NRG3: variants seen among roughly 807,000 people sequenced by gnomAD.
NRG3 encodes the protein pro-neuregulin-3, membrane-bound isoform.
Under a neutral mutation model 66.9 loss-of-function variants are expected in NRG3, and 31 were observed. The observed-to-expected ratio is 0.46, with a 90% CI of 0.35 to 0.63. The LOEUF (loss-of-function observed/expected upper bound fraction) is 0.63, where lower values mean the gene tolerates loss of function less well. Among genes scored for constraint, NRG3 ranks in the 20% least tolerant of loss-of-function variants. NRG3 has a pLI of 0.00. For missense variants in NRG3, 910 were observed against 878.9 expected (o/e 1.04, Z -0.45); for synonymous variants, 393 against 359.4 (o/e 1.09, Z -1.06).
At chr10:82,115,736 C>T (rs1419699967) in intron 1 of NRG3, among the ~76,000 whole-genome samples, 1 of 152,056 alleles carries the variant, frequency 6.6e-6, no homozygotes, top group African/African-American at 2.4e-5. Flanking sequence ...GGGGTTTGGT[C>T]CTGTTATAGA....
intron 3 of NRG3, among the ~76,000 whole-genome samples, chr10:82,805,333 T>G (rs2135463580): frequency 6.6e-6 from 1 of 152,296 alleles, no homozygotes; most frequent in African/African-American, 2.4e-5. Context: ...TGTGTCTCAT[T>G]TTTTCAGCAT....
chr10:82,444,245 G>T (rs944589227), intron 2 of NRG3, among the ~76,000 whole-genome samples: 2 of 152,142 alleles, frequency 1.3e-5, no homozygotes, highest in African/African-American at 4.8e-5. Flanking sequence ...AGGGATTACA[G>T]GTTCGTGCCA....
At chr10:82,327,078 C>T (rs111936614) in intron 1 of NRG3, among the ~76,000 whole-genome samples, 156 of 151,998 alleles carry the variant, frequency 1.0e-3, no homozygotes, top group Non-Finnish European at 1.8e-3. Context: ...GAAGAATGAC[C>T]CTGGGCTGAG....
intron 1 of NRG3, among the ~76,000 whole-genome samples, chr10:81,982,702 C>T (rs916888147): frequency 1.3e-5 from 2 of 152,076 alleles, no homozygotes; most frequent in African/African-American, 4.8e-5. Flanking sequence ...TTTTTGTCTA[C>T]AAAATTTCTT....
chr10:82,225,481 C>T (rs2076126282), intron 1 of NRG3: 4 of 152,002 alleles, frequency 2.6e-5, no homozygotes, highest in African/African-American at 9.7e-5. Context: ...AGGAAATATA[C>T]CAAGCCAGGG....
intron 3 of NRG3, among the ~76,000 whole-genome samples, chr10:82,817,951 C>T (rs961963576): frequency 6.6e-6 from 1 of 152,232 alleles, no homozygotes; most frequent in Admixed American, 6.5e-5. Context: ...AGGTTCTTGG[C>T]TTCACTCAAG....
At chr10:82,366,234 A>G (rs559149289) in intron 2 of NRG3, among the ~76,000 whole-genome samples, 30 of 152,228 alleles carry the variant, frequency 2.0e-4, no homozygotes, top group Non-Finnish European at 4.0e-4. Flanking sequence ...TGTGAAATAG[A>G]TACTATGTAT....
intron 1 of NRG3, among the ~76,000 whole-genome samples, chr10:82,052,346 G>C (rs1456683906): frequency 6.6e-6 from 1 of 152,026 alleles, no homozygotes; most frequent in African/African-American, 2.4e-5. Flanking sequence ...AGTAGCCCAT[G>C]GGGTCATATC....
chr10:82,186,074 AAATTGTTAGG>A (rs2073789190), intron 1 of NRG3, among the ~76,000 whole-genome samples: 1 of 152,188 alleles, frequency 6.6e-6, no homozygotes, highest in Non-Finnish European at 1.5e-5. Context: ...TGTGGGCATG[AAATTGTTAGG>A]AATTGTTTTA....
At chr10:82,532,624 G>C (rs990705854) in intron 2 of NRG3, among the ~76,000 whole-genome samples, 3 of 146,616 alleles carry the variant, frequency 2.0e-5, no homozygotes, top group Non-Finnish European at 4.5e-5. Context: ...ACTATATAGA[G>C]AGAGTACTAT....
At chr10:82,293,786 C>A (rs934340763) in intron 1 of NRG3, among the ~76,000 whole-genome samples, 1 of 152,066 alleles carries the variant, frequency 6.6e-6, no homozygotes, top group Non-Finnish European at 1.5e-5. Context: ...CTTGATGTAC[C>A]TGCTTCAGCC....
intron 2 of NRG3, among the ~76,000 whole-genome samples, chr10:82,647,699 A>T (rs1241414634): frequency 2.0e-5 from 3 of 151,858 alleles, no homozygotes; most frequent in African/African-American, 7.2e-5. Context: ...TTGCCATTCT[A>T]ACTGGTGTGA....
intron 1 of NRG3, among the ~76,000 whole-genome samples, chr10:82,291,595 T>C (rs945696051): frequency 6.6e-6 from 1 of 152,206 alleles, no homozygotes; most frequent in South Asian, 2.1e-4. Context: ...TAAGACAATT[T>C]GGCAGCGAGA....
At chr10:82,616,537 C>T (rs1229362615) in intron 2 of NRG3, among the ~76,000 whole-genome samples, 1 of 152,172 alleles carries the variant, frequency 6.6e-6, no homozygotes, top group African/African-American at 2.4e-5. Context: ...ACTGAATATT[C>T]TTATTCTTAT....
intron 2 of NRG3, among the ~76,000 whole-genome samples, chr10:82,389,728 T>G (rs2086228441): frequency 2.0e-5 from 3 of 152,194 alleles, no homozygotes; most frequent in South Asian, 4.1e-4. Context: ...CACACACTCA[T>G]ACATGTATAT....
intron 4 of NRG3, among the ~76,000 whole-genome samples, chr10:82,908,934 G>T (rs1845040085): frequency 6.8e-6 from 1 of 147,842 alleles, no homozygotes; most frequent in African/African-American, 2.5e-5. Flanking sequence ...TGGAGCTGTG[G>T]CAGTCAGGAG....
chr10:82,563,531 A>T (rs1301778788), intron 2 of NRG3, among the ~76,000 whole-genome samples: 1 of 151,964 alleles, frequency 6.6e-6, no homozygotes, highest in Non-Finnish European at 1.5e-5. Context: ...GTATTTATGT[A>T]TATTTTCAGA....
intron 3 of NRG3, chr10:82,799,970 G>A (rs868766766): frequency 3.7e-4 from 57 of 152,176 alleles, no homozygotes; most frequent in African/African-American, 1.3e-3. Context: ...TCCAAGAATA[G>A]AAGAGCTGGA....
intron 1 of NRG3, among the ~76,000 whole-genome samples, chr10:82,209,783 A>G (rs1479904615): frequency 6.6e-6 from 1 of 152,116 alleles, no homozygotes; most frequent in Non-Finnish European, 1.5e-5. Context: ...TTGATCTTTC[A>G]TTTTAATTTT....
Sources: gnomAD v4.1 joint callset for allele counts (sites outside exome capture counted in the v4.1 genomes callset) on GRCh38, gnomAD v4.1.1 for gene constraint, MANE v1.5 for transcripts, NCBI Gene and HGNC (gene_info 2026-07-23, HGNC 2026-07-21) for gene names.